CNNM1: variants seen among roughly 807,000 people sequenced by gnomAD.
CNNM1 encodes the protein cyclin and CBS domain divalent metal cation transport mediator 1, also known as metal transporter CNNM1.
Under a neutral mutation model 78.8 loss-of-function variants are expected in CNNM1, and 44 were observed. That is an observed-to-expected ratio of 0.56 (90% CI 0.44 to 0.72). CNNM1 has a LOEUF of 0.72. CNNM1 is among the 30% of genes least tolerant of loss of function. The probability of loss-of-function intolerance (pLI) is 0.00; values close to 1 mark genes in which losing one functional copy is unlikely to be tolerated. For missense variants in CNNM1, 1,101 were observed against 1,292.2 expected, an observed-to-expected ratio of 0.85 and a Z score of 2.27; for synonymous variants, 584 against 581.5, an observed-to-expected ratio of 1.00 and a Z score of -0.06.
intron 1 of CNNM1, among the ~76,000 whole-genome samples, chr10:99,350,481 A>G (rs1410397483): frequency 6.6e-6 from 1 of 152,196 alleles, no homozygotes; most frequent in African/African-American, 2.4e-5. Context: ...GAGGTATGCT[A>G]ATGGAGTCCT....
At chr10:99,387,257 T>G (rs1224020795) in intron 7 of CNNM1, among the ~76,000 whole-genome samples, 1 of 152,152 alleles carries the variant, frequency 6.6e-6, no homozygotes, top group Non-Finnish European at 1.5e-5. Context: ...CAAGTCTGAC[T>G]CCTGTGATTT....
In CNNM1 at chr10:99,387,870, C is replaced by T. The variant is rs1259639415; in HGVS notation, c.2391C>T (p.Ser797=). 44 of 1,613,248 alleles carry T rather than the reference C, an allele frequency of 2.7e-5. No homozygotes were observed. The highest frequency in any genetic ancestry group is 3.7e-5 in the Non-Finnish European group (44 of 1,179,512). ...CACTCACTGCCTGCCACATGGACAG[C>T]TCACCTCAGTCCCCTGACATGGAGG... ...QNALTACHMD[S]SPQSPDMEAF... The change falls in exon 8 of 11, where the codon AGC becomes AGT. Residue 797 remains serine (S), a synonymous_variant. Coordinates refer to ENST00000356713, the MANE Select transcript of CNNM1 (RefSeq NM_020348.3).
At chr10:99,342,645 G>A (rs998392515) in intron 1 of CNNM1, among the ~76,000 whole-genome samples, 1 of 151,904 alleles carries the variant, frequency 6.6e-6, no homozygotes, top group Non-Finnish European at 1.5e-5. Context: ...ATTTGGTAGG[G>A]AATGATTTCA....
Position 99,392,029 on chromosome 10 carries a change from C to G in CNNM1, c.*513C>G, listed in dbSNP as rs901810835. ...TCTGAAGATTAGTTCAGGGGATGGA[C>G]CAAGAATTTCCCCCAGAGCTTTAAA... is the stretch of plus-strand genomic sequence containing the variant. On this transcript the variant is annotated 3_prime_UTR_variant, in exon 11 of 11. Coordinates refer to ENST00000356713, the MANE Select transcript of CNNM1 (RefSeq NM_020348.3). 1 of 154,438 alleles carries G rather than the reference C, an allele frequency of 6.5e-6. No homozygotes were observed. The highest frequency in any genetic ancestry group is 1.4e-5 in the Non-Finnish European group (1 of 69,434). The allele number at this position is 154,438 out of a possible 1,614,324, so 9.6% of individuals were successfully genotyped here.
At chr10:99,361,575 G>C (rs147795757) in intron 3 of CNNM1, among the ~76,000 whole-genome samples, 2,022 of 152,282 alleles carry the variant, frequency 0.013, 42 homozygotes, top group African/African-American at 0.042. Context: ...TGCTAGCACT[G>C]TTTTAGGTGC....
chr10:99,331,766 T>G (rs2029927681), intron 1 of CNNM1, among the ~76,000 whole-genome samples: 1 of 152,136 alleles, frequency 6.6e-6, no homozygotes, highest in African/African-American at 2.4e-5. Context: ...AAAAGTTGAC[T>G]AAGGCAGTAG....
At chr10:99,338,530 C>T (rs1024032353) in intron 1 of CNNM1, among the ~76,000 whole-genome samples, 2 of 152,014 alleles carry the variant, frequency 1.3e-5, no homozygotes, top group African/African-American at 2.4e-5. Flanking sequence ...CCGCCAACCT[C>T]GGCCTCCCAA....
chr10:99,333,647 AT>A (rs1485773215), intron 1 of CNNM1, among the ~76,000 whole-genome samples: 1 of 152,158 alleles, frequency 6.6e-6, no homozygotes, highest in Admixed American at 6.5e-5. Flanking sequence ...ACTTGGCCTC[AT>A]TTAGTATTTT....
Position 99,373,031 on chromosome 10 carries a change from T to G in CNNM1, c.2177-4024T>G, listed in dbSNP as rs78768126. Reference sequence around the variant, plus strand: ...TAGCTTGTGTTTGACATGTGAGTCCTTGTGGGTGTCATCTACACTGGGTGC... The same window carrying G: ...TAGCTTGTGTTTGACATGTGAGTCCGTGTGGGTGTCATCTACACTGGGTGC... On this transcript the variant is annotated intron_variant, in intron 6 of 10. Coordinates refer to ENST00000356713, the MANE Select transcript of CNNM1 (RefSeq NM_020348.3). Among the ~76,000 whole-genome samples, 7 of 152,126 alleles carry G rather than the reference T, an allele frequency of 4.6e-5. No homozygotes were observed. In the East Asian group the frequency reaches 1.2e-3, roughly 25 times the overall value.
chr10:99,349,670 T>C (rs140906863), intron 1 of CNNM1, among the ~76,000 whole-genome samples: 7 of 152,272 alleles, frequency 4.6e-5, no homozygotes, highest in African/African-American at 1.4e-4. Flanking sequence ...TTTCTCAAAC[T>C]TTAGTGTGCA....
intron 9 of CNNM1, among the ~76,000 whole-genome samples, chr10:99,388,880 A>T (rs1437290120): frequency 6.6e-6 from 1 of 151,992 alleles, no homozygotes. Context: ...AGACCATATC[A>T]CCTCCCTCTG....
intron 4 of CNNM1, among the ~76,000 whole-genome samples, chr10:99,362,604 T>A (rs1361007089): frequency 6.6e-6 from 1 of 152,180 alleles, no homozygotes; most frequent in Non-Finnish European, 1.5e-5. Context: ...TCTTTGACAT[T>A]TAGTTTGACA....
chr10:99,343,903 G>A (rs34316526), intron 1 of CNNM1, among the ~76,000 whole-genome samples: 69,425 of 149,322 alleles, frequency 0.46, 19,055 homozygotes, highest in Non-Finnish European at 0.61. Context: ...TTTTTTTTTC[G>A]GTAGAGATGG....
At chr10:99,375,394 G>A (rs1034975349) in intron 6 of CNNM1, among the ~76,000 whole-genome samples, 3 of 152,128 alleles carry the variant, frequency 2.0e-5, no homozygotes, top group Non-Finnish European at 2.9e-5. Flanking sequence ...CAGATGGATC[G>A]CAAGGCTGCA....
chr10:99,372,961 T>C (rs7092949), intron 6 of CNNM1, among the ~76,000 whole-genome samples: 3 of 151,256 alleles, frequency 2.0e-5, no homozygotes, highest in Non-Finnish European at 4.4e-5. Flanking sequence ...GTTTTTACTT[T>C]AAAAAAAAAG....
chr10:99,368,965 A>G (rs1414337018), intron 6 of CNNM1, among the ~76,000 whole-genome samples: 2 of 152,204 alleles, frequency 1.3e-5, no homozygotes, highest in Non-Finnish European at 2.9e-5. Context: ...TTGTCTGACT[A>G]CAGAATGGAG....
In CNNM1 at chr10:99,362,382, G is replaced by T; in HGVS notation, c.2014G>T (p.Val672Leu). 1.2e-6 allele frequency: 2 copies of T among 1,613,324 alleles called. No individual in the cohort carries two copies. Among genetic ancestry groups the T allele is most frequent in the Non-Finnish European group, 1.7e-6 (2 of 1,179,568 alleles). ...GCGCAACCGCCCTGTGGACTACTTT[G>T]TGCTGCTTCTACAGGTGAGTAGGAA... ...YQRNRPVDYF[V>L]LLLQGKVEVE... The change falls in exon 4 of 11, where the codon GTG becomes TTG. Residue 672 changes from valine (V) to leucine (L), a missense_variant. By Grantham distance (32) the Val-to-Leu change is conservative. Transcript: ENST00000356713.
intron 1 of CNNM1, among the ~76,000 whole-genome samples, chr10:99,338,499 G>A (rs998687056): frequency 5.3e-5 from 8 of 151,870 alleles, no homozygotes; most frequent in African/African-American, 1.5e-4. Flanking sequence ...GGGTGGTCTC[G>A]AACTCCTGAG....
chr10:99,329,459 G>A lies in CNNM1; in HGVS notation c.72G>A (p.Val24=), dbSNP rs2134005261. Residue 24 remains valine, a synonymous_variant, in exon 1 of 11, where the codon GTG becomes GTA. Coordinates refer to ENST00000356713, the MANE Select transcript of CNNM1 (RefSeq NM_020348.3). ...RLRDCCSRGA[V]LLLFFSLSPR... is the part of the protein sequence containing the mutation. ...GGGACTGCTGCAGCCGAGGCGCTGT[G>A]CTCCTGCTCTTCTTTTCCCTGTCTC... 1 of 1,405,636 alleles carries A rather than the reference G, an allele frequency of 7.1e-7. No homozygotes were observed. Among genetic ancestry groups the A allele is most frequent in the East Asian group, 2.8e-5 (1 of 35,766 alleles). The allele number at this position is 1,405,636 out of a possible 1,614,324, so 87.1% of individuals were successfully genotyped here. A position where few individuals can be genotyped will look rare whatever the true frequency, so the allele number is the denominator to read the frequency against.
Sources: allele counts gnomAD v4.1 joint callset (sites outside exome capture counted in the v4.1 genomes callset), GRCh38; gene constraint gnomAD v4.1.1; transcripts MANE v1.5; gene names NCBI Gene and HGNC (gene_info 2026-07-23, HGNC 2026-07-21).